Variants in GAS2 observed in about 807,000 individuals in gnomAD.
GAS2 encodes the protein growth arrest-specific protein 2.
Under a neutral mutation model 37.5 loss-of-function variants are expected in GAS2, and 20 were observed. The observed-to-expected ratio is 0.53, with a 90% confidence interval of 0.37 to 0.77. GAS2 has a LOEUF of 0.77. Ranked by LOEUF, GAS2 falls within the 30% of genes least tolerant of loss-of-function variation. The pLI is 0.00. For synonymous variants in GAS2, 144 were observed against 132.2 expected (o/e 1.09, Z -0.61); for missense variants, 336 against 373.4 (o/e 0.90, Z 0.82).
At position 22,737,687 on chromosome 11, in the gene GAS2, C is replaced by T. The variant is rs773021267; in HGVS notation, c.410-18C>T. ...TTCCTTCTATTGTAAAGGTGTTCGC[C>T]TCTGTCTTGTCTTTCAGTCCTCCAC... is the stretch of plus-strand genomic sequence containing the variant. On this transcript the variant is annotated intron_variant, in intron 4 of 7. Coordinates refer to ENST00000454584, the MANE Select transcript of GAS2 (RefSeq NM_001143830.3). 6.8e-6 allele frequency: 11 copies of T among 1,613,632 alleles called. No homozygotes were observed. In the South Asian group the frequency reaches 8.8e-5, roughly 13 times the overall value.
chr11:22,688,575 C>G (rs564221831), intron 3 of GAS2: 2 of 152,110 alleles, frequency 1.3e-5, no homozygotes, highest in East Asian at 3.9e-4. Flanking sequence ...AAGTACTTTC[C>G]TTTTAAACAG....
intron 3 of GAS2, among the ~76,000 whole-genome samples, chr11:22,704,317 GTTAT>G (rs1231610431): frequency 6.6e-6 from 1 of 151,662 alleles, no homozygotes; most frequent in Middle Eastern, 3.2e-3. Context: ...TTAAAATACA[GTTAT>G]TTCAATATTA....
At chr11:22,796,887 T>G (rs1856451689) in intron 7 of GAS2, among the ~76,000 whole-genome samples, 1 of 152,086 alleles carries the variant, frequency 6.6e-6, no homozygotes, top group Non-Finnish European at 1.5e-5. Context: ...TTTTCTTTGC[T>G]CCATGGAGCC....
At chr11:22,766,944 TCTAAA>T (rs1387631713) in intron 7 of GAS2, among the ~76,000 whole-genome samples, 1 of 152,156 alleles carries the variant, frequency 6.6e-6, no homozygotes, top group Non-Finnish European at 1.5e-5. Context: ...TATTAAAGGG[TCTAAA>T]CTAAACATAT....
chr11:22,676,476 C>T (rs1291560199), intron 2 of GAS2, among the ~76,000 whole-genome samples: 3 of 152,124 alleles, frequency 2.0e-5, no homozygotes, highest in African/African-American at 4.8e-5. Context: ...TGTGTTTGAA[C>T]CCTACCTCTG....
chr11:22,714,342 A>G (rs1233639671), intron 3 of GAS2, among the ~76,000 whole-genome samples: 1 of 152,184 alleles, frequency 6.6e-6, no homozygotes, highest in Non-Finnish European at 1.5e-5. Context: ...CTAAATACAT[A>G]TGCACCTAAC....
intron 1 of GAS2, among the ~76,000 whole-genome samples, chr11:22,634,991 G>A (rs1413885620): frequency 6.6e-6 from 1 of 152,190 alleles, no homozygotes; most frequent in Non-Finnish European, 1.5e-5. Flanking sequence ...TCCTTCAGGG[G>A]AGCTGTGTTT....
At chr11:22,792,400 A>G (rs1450614948) in intron 7 of GAS2, among the ~76,000 whole-genome samples, 1 of 152,256 alleles carries the variant, frequency 6.6e-6, no homozygotes. Context: ...ACTTTAGGAA[A>G]TCATGAGAAA....
At chr11:22,767,588 T>C (rs547212527) in intron 7 of GAS2, among the ~76,000 whole-genome samples, 1 of 152,304 alleles carries the variant, frequency 6.6e-6, no homozygotes, top group African/African-American at 2.4e-5. Flanking sequence ...GAAATAATTA[T>C]GCATAATGTG....
intron 6 of GAS2, among the ~76,000 whole-genome samples, chr11:22,750,083 T>C (rs1853647273): frequency 6.6e-6 from 1 of 152,056 alleles, no homozygotes; most frequent in Non-Finnish European, 1.5e-5. Flanking sequence ...AAGTTTGTAT[T>C]GTGGGAGTTG....
chr11:22,750,635 A>G (rs1853673121), intron 6 of GAS2, among the ~76,000 whole-genome samples: 1 of 152,034 alleles, frequency 6.6e-6, no homozygotes, highest in Non-Finnish European at 1.5e-5. Flanking sequence ...TTCACTTTTT[A>G]TTTTGTAAGG....
At chr11:22,661,624 A>G (rs1034604852), upstream of GAS2, among the ~76,000 whole-genome samples, 2 of 152,230 alleles carry the variant, frequency 1.3e-5, no homozygotes, top group African/African-American at 2.4e-5. Flanking sequence ...AGTGAATCAG[A>G]TTTCTTCAGA....
intron 2 of GAS2, among the ~76,000 whole-genome samples, chr11:22,676,073 A>C (rs1849414660): frequency 6.6e-6 from 1 of 152,038 alleles, no homozygotes; most frequent in Non-Finnish European, 1.5e-5. Context: ...CATGGTGTGC[A>C]CACAATTTTG....
intron 6 of GAS2, among the ~76,000 whole-genome samples, chr11:22,754,168 T>A (rs1853893481): frequency 6.6e-6 from 1 of 152,060 alleles, no homozygotes. Flanking sequence ...TTTTTAAGGT[T>A]CTTTGAATCC....
upstream of GAS2, among the ~76,000 whole-genome samples, chr11:22,662,340 C>G (rs1848925098): frequency 6.6e-6 from 1 of 152,122 alleles, no homozygotes; most frequent in African/African-American, 2.4e-5. Flanking sequence ...TTTAACATTG[C>G]TTTTCTATTC....
chr11:22,798,683 G>A (rs1856536000), intron 7 of GAS2, among the ~76,000 whole-genome samples: 3 of 152,142 alleles, frequency 2.0e-5, no homozygotes, highest in South Asian at 2.1e-4. Context: ...TAGAGAAGTT[G>A]AAATGAATTC....
chr11:22,724,520 A>T (rs1307263640), intron 3 of GAS2, among the ~76,000 whole-genome samples: 1 of 152,054 alleles, frequency 6.6e-6, no homozygotes, highest in African/African-American at 2.4e-5. Context: ...AATGTTTATA[A>T]TACTTTACAA....
At chr11:22,734,651 T>C (rs1443590611) in intron 4 of GAS2, among the ~76,000 whole-genome samples, 1 of 151,744 alleles carries the variant, frequency 6.6e-6, no homozygotes, top group Admixed American at 6.6e-5. Context: ...ATGTGCCAAG[T>C]ACTATGCTAA....
intron 3 of GAS2, chr11:22,702,342 T>A (rs940922948): frequency 8.5e-5 from 13 of 152,160 alleles, no homozygotes; most frequent in Admixed American, 8.5e-4. Context: ...TGAGATTCTT[T>A]AGGAATAATA....
Sources: allele counts gnomAD v4.1 joint callset (sites outside exome capture counted in the v4.1 genomes callset), GRCh38; gene constraint gnomAD v4.1.1; transcripts MANE v1.5; gene names NCBI Gene and HGNC (gene_info 2026-07-23, HGNC 2026-07-21).